PLSCR5: variants seen among roughly 807,000 people sequenced by gnomAD.
PLSCR5 encodes the protein phospholipid scramblase family, member 5.
In PLSCR5, 44 loss-of-function variants were observed where a neutral mutation model predicts 33.6. The ratio of observed to expected loss-of-function variants is 1.31; its 90% confidence interval spans 1.03 to 1.69. The LOEUF (loss-of-function observed/expected upper bound fraction) is 1.69, where lower values mean the gene tolerates loss of function less well. Ranked by LOEUF, PLSCR5 falls within the 40% of genes most tolerant of loss-of-function variation. The pLI, the probability that PLSCR5 is intolerant of heterozygous loss-of-function variation, is 0.00. For synonymous variants in PLSCR5, 148 were observed against 112.3 expected (o/e 1.32, Z -2.01); for missense variants, 375 against 318.7 (o/e 1.18, Z -1.34).
chr3:146,593,099 G>C (rs1308923487), intron 4 of PLSCR5, among the ~76,000 whole-genome samples: 1 of 152,082 alleles, frequency 6.6e-6, no homozygotes, highest in Non-Finnish European at 1.5e-5. Flanking sequence ...CTTATCCACA[G>C]GTTCTAACAG....
chr3:146,582,280 AT>A (rs1455375638), downstream of PLSCR5, among the ~76,000 whole-genome samples: 3 of 152,230 alleles, frequency 2.0e-5, no homozygotes, highest in Non-Finnish European at 4.4e-5. Flanking sequence ...CACTGCATAG[AT>A]AAGACAGGCC....
chr3:146,599,149 G>A (rs2044788290), intron 2 of PLSCR5, among the ~76,000 whole-genome samples: 1 of 152,120 alleles, frequency 6.6e-6, no homozygotes. Context: ...TACATGAATA[G>A]CAATAGCTGA....
intron 4 of PLSCR5, among the ~76,000 whole-genome samples, chr3:146,593,678 C>T (rs2044733499): frequency 6.6e-6 from 1 of 152,124 alleles, no homozygotes; most frequent in Non-Finnish European, 1.5e-5. Context: ...ATCTCATTTA[C>T]ATGATGCATG....
chr3:146,581,205 T>C (rs2044630981), downstream of PLSCR5, among the ~76,000 whole-genome samples: 1 of 152,178 alleles, frequency 6.6e-6, no homozygotes, highest in Non-Finnish European at 1.5e-5. Flanking sequence ...CCCAAAACCT[T>C]ATATAATTTA....
intron 1 of PLSCR5, among the ~76,000 whole-genome samples, chr3:146,603,414 G>A (rs907100072): frequency 3.3e-5 from 5 of 152,076 alleles, no homozygotes; most frequent in Non-Finnish European, 7.4e-5. Context: ...GTAGTATGAA[G>A]TCTCTAATAG....
chr3:146,597,750 A>G (rs2044773870), intron 2 of PLSCR5, among the ~76,000 whole-genome samples: 1 of 152,212 alleles, frequency 6.6e-6, no homozygotes, highest in Non-Finnish European at 1.5e-5. Flanking sequence ...CATGGCAAGT[A>G]AAACTTAACT....
At position 146,594,150 on chromosome 3, in the gene PLSCR5, CA is replaced by C. The variant is rs147223969; in HGVS notation, c.233-11del. 0.28 allele frequency: 412,432 copies of C among 1,481,304 alleles called. 54,466 individuals are homozygous for C. The highest frequency in any genetic ancestry group is 0.37 in the African/African-American group (26,400 of 70,530). The allele number at this position is 1,481,304 out of a possible 1,614,324, so 91.8% of individuals were successfully genotyped here. On this transcript the variant is annotated splice_polypyrimidine_tract_variant and intron_variant, in intron 3 of 7. Coordinates refer to ENST00000443512, the MANE Select transcript of PLSCR5 (RefSeq NM_001085420.2). ...TCAGTACCAAGTATCACTAATGGAA[CA>C]AAAAAAAAATTATAAAAACATTTTT...
In PLSCR5 at chr3:146,600,321, G is replaced by T; in HGVS notation, c.156C>A (p.Val52=). 1 of 1,603,218 alleles carries T rather than the reference G, an allele frequency of 6.2e-7. No individual in the cohort carries two copies. The highest frequency in any genetic ancestry group is 1.1e-5 in the South Asian group (1 of 89,244). The change falls in exon 2 of 8, where the codon GTC becomes GTA. Residue 52 remains valine (V), a synonymous_variant. Coordinates refer to ENST00000443512, the MANE Select transcript of PLSCR5 (RefSeq NM_001085420.2). The part of the protein sequence containing the change: ...LPLPSSFLPT[V]SLPPGLEYLS... Reference sequence around the variant, plus strand: ...AATATTCTAGACCAGGAGGGAGACTGACTGTTGGCAGGAAACTGCTTGGCA... The same window carrying T: ...AATATTCTAGACCAGGAGGGAGACTTACTGTTGGCAGGAAACTGCTTGGCA...
chr3:146,595,798 A>T (rs1052758972), intron 2 of PLSCR5, among the ~76,000 whole-genome samples: 2 of 152,186 alleles, frequency 1.3e-5, no homozygotes, highest in African/African-American at 4.8e-5. Context: ...CACAATAATG[A>T]TTTGAATGCC....
At chr3:146,605,116 C>G (rs1229697900) in intron 1 of PLSCR5, 84 bp downstream of exon 1, 1 of 1,349,538 alleles carries the variant, frequency 7.4e-7, no homozygotes, top group East Asian at 2.5e-5. Flanking sequence ...AAGTACCAAT[C>G]TAACTGGTTG....
At chr3:146,581,597 A>G (rs369945807), downstream of PLSCR5, among the ~76,000 whole-genome samples, 1 of 152,204 alleles carries the variant, frequency 6.6e-6, no homozygotes, top group Non-Finnish European at 1.5e-5. Flanking sequence ...TTAGCTAAAT[A>G]AGTGAATGAA....
At chr3:146,589,130 G>T (rs1244844004) in intron 6 of PLSCR5, among the ~76,000 whole-genome samples, 1 of 152,124 alleles carries the variant, frequency 6.6e-6, no homozygotes, top group East Asian at 1.9e-4. Context: ...CAATATAATT[G>T]TAAGTTGGAA....
intron 5 of PLSCR5, among the ~76,000 whole-genome samples, chr3:146,590,997 G>GTTTTTTTTTTTTTTT (rs371124404): frequency 7.0e-6 from 1 of 141,886 alleles, no homozygotes; most frequent in Non-Finnish European, 1.5e-5. Context: ...GTTTTTTTTT[G>GTTTTTTTTTTTTTTT]TTTTTTTTTT....
intron 2 of PLSCR5, among the ~76,000 whole-genome samples, chr3:146,599,649 C>T (rs1263356767): frequency 6.7e-6 from 1 of 149,444 alleles, no homozygotes. Context: ...CTGTAGATGA[C>T]TAGATATGTT....
chr3:146,591,003 T>TG (rs1553809636), intron 5 of PLSCR5, among the ~76,000 whole-genome samples: 47 of 150,002 alleles, frequency 3.1e-4, no homozygotes, highest in Non-Finnish European at 6.3e-4. Context: ...TTTTGTTTTT[T>TG]TTTTTTGTTT....
intron 6 of PLSCR5, among the ~76,000 whole-genome samples, chr3:146,587,888 A>G (rs2044678246): frequency 6.6e-6 from 1 of 151,902 alleles, no homozygotes; most frequent in African/African-American, 2.4e-5. Context: ...ATGCATATAT[A>G]TATACATATA....
At chr3:146,586,909 A>G (rs2044670550) in intron 6 of PLSCR5, among the ~76,000 whole-genome samples, 1 of 152,226 alleles carries the variant, frequency 6.6e-6, no homozygotes, top group South Asian at 2.1e-4. Flanking sequence ...TACATGTAAG[A>G]AATAGTTTTA....
chr3:146,597,538 A>G (rs1310367889), intron 2 of PLSCR5, among the ~76,000 whole-genome samples: 1 of 152,124 alleles, frequency 6.6e-6, no homozygotes, highest in Non-Finnish European at 1.5e-5. Context: ...CTCTGTAATA[A>G]CATTTGATTT....
At position 146,587,259 on chromosome 3, in the gene PLSCR5, G is replaced by A. The variant is rs189853896; in HGVS notation, c.778-1147C>T. Among the ~76,000 whole-genome samples the A allele has an allele frequency of 5.7e-4, 86 of 152,094 alleles. 1 individual carries two copies. In the Middle Eastern group the frequency reaches 0.014, roughly 24 times the overall value. On this transcript the variant is annotated intron_variant, in intron 6 of 7. Transcript: ENST00000443512. ...GAGTATGACCTAGATCAACCTTTAC[G>A]GAACCTACATCTCATCAATCTCTCA...
Sources: allele counts gnomAD v4.1 joint callset (sites outside exome capture counted in the v4.1 genomes callset), GRCh38; gene constraint gnomAD v4.1.1; transcripts MANE v1.5; gene names NCBI Gene and HGNC (gene_info 2026-07-23, HGNC 2026-07-21).